Variants in ARID1B observed in about 807,000 individuals in gnomAD.
ARID1B encodes AT-rich interaction domain 1B.
In ARID1B, 30 loss-of-function variants were observed where a neutral mutation model predicts 212.3. That is an observed-to-expected ratio of 0.14 (90% CI 0.11 to 0.19). The LOEUF (loss-of-function observed/expected upper bound fraction) is 0.19, where lower values mean the gene tolerates loss of function less well. Ranked by LOEUF, ARID1B falls within the 10% of genes least tolerant of loss-of-function variation. The pLI is 1.00. For synonymous variants in ARID1B, 1,402 were observed against 1,301.7 expected (o/e 1.08, Z -1.66); for missense variants, 2,891 against 3,204.0 (o/e 0.90, Z 2.36).
intron 4 of ARID1B, among the ~76,000 whole-genome samples, chr6:157,054,538 T>C (rs1157267499): frequency 6.6e-6 from 1 of 152,178 alleles, no homozygotes; most frequent in Non-Finnish European, 1.5e-5. Context: ...GTTATAAAAG[T>C]AGGAAGTGAG....
At chr6:157,072,825 G>A (rs1030966119) in intron 4 of ARID1B, among the ~76,000 whole-genome samples, 5 of 152,178 alleles carry the variant, frequency 3.3e-5, no homozygotes, top group African/African-American at 1.2e-4. Flanking sequence ...TGAAGAAACT[G>A]AGGCTTAGAG....
intron 15 of ARID1B, among the ~76,000 whole-genome samples, chr6:157,191,065 A>G (rs1408402367): frequency 6.6e-6 from 1 of 151,944 alleles, no homozygotes; most frequent in Non-Finnish European, 1.5e-5. Context: ...TTTTTCCCCA[A>G]GGTGAAAGAT....
chr6:157,018,212 C>CTTTTTT lies in ARID1B; in HGVS notation c.2248-66433_2248-66428dup, dbSNP rs1208883079. Among the ~76,000 whole-genome samples the CTTTTTT allele has an allele frequency of 6.2e-3, 447 of 72,458 alleles. 46 individuals carry two copies. The highest frequency in any genetic ancestry group is 7.7e-3 in the Non-Finnish European group (333 of 43,458). The allele number at this position is 72,458 out of a possible 152,430, so 47.5% of individuals were successfully genotyped here. On this transcript the variant is annotated intron_variant, in intron 4 of 19. Coordinates refer to ENST00000636930, the MANE Select transcript of ARID1B (RefSeq NM_001374828.1). ...GAATGTCTAAACAAAAAGTAGTATG[C>CTTTTTT]TTTTTTTTTTTTTTTTTTTTTTGAG...
chr6:156,976,657 G>A lies in ARID1B; in HGVS notation c.2247+41081G>A, dbSNP rs553213586. Among the ~76,000 whole-genome samples, 16 of 152,278 alleles carry A rather than the reference G, an allele frequency of 1.1e-4. No individual in the cohort carries two copies. The South Asian group carries it at 3.1e-3, about 30-fold the overall frequency. On this transcript the variant is annotated intron_variant, in intron 4 of 19. Transcript: ENST00000636930. ...CTGGGTCCCCTTCCACCACGTGGAA[G>A]CTTTCCTTTCACTTTGTTCAGTAAA...
Position 157,094,827 on chromosome 6 carries a change from T to G in ARID1B, c.2491+9922T>G, listed in dbSNP as rs1785505534. ...CTCCTGCAGTAACCACGCGGAGTGT[T>G]GATGGCCGCTTGGATGTGCACATAG... On this transcript the variant is annotated intron_variant, in intron 5 of 19. Transcript: ENST00000636930. The surrounding 1 kb of genome is among the most constrained non-coding windows in gnomAD (Gnocchi z 4.3). Among the ~76,000 whole-genome samples the G allele has an allele frequency of 1.3e-5, 2 of 152,066 alleles. No individual in the cohort carries two copies. The highest frequency in any genetic ancestry group is 2.9e-5 in the Non-Finnish European group (2 of 68,000).
intron 2 of ARID1B, among the ~76,000 whole-genome samples, chr6:156,865,217 G>C (rs891048378): frequency 1.9e-4 from 29 of 152,038 alleles, no homozygotes; most frequent in Non-Finnish European, 4.0e-4. Context: ...TGTCTTTCTT[G>C]TTTTGGTGGA....
chr6:156,833,070 C>T (rs768435406), intron 2 of ARID1B, among the ~76,000 whole-genome samples: 3 of 152,072 alleles, frequency 2.0e-5, no homozygotes, highest in Non-Finnish European at 4.4e-5. Context: ...TTCTATGCCT[C>T]TGTGGAGAAT....
chr6:156,965,472 T>C (rs1794677978), intron 4 of ARID1B, among the ~76,000 whole-genome samples: 1 of 152,246 alleles, frequency 6.6e-6, no homozygotes, highest in Non-Finnish European at 1.5e-5. Flanking sequence ...ATTCGATGAC[T>C]GCTCTGCCTA....
At chr6:156,972,886 A>C (rs1777018463) in intron 4 of ARID1B, among the ~76,000 whole-genome samples, 2 of 152,222 alleles carry the variant, frequency 1.3e-5, no homozygotes, top group Non-Finnish European at 2.9e-5. Context: ...GTTTCTTTGT[A>C]TTTTGATTTT....
At chr6:156,925,252 T>C (rs1791126273) in intron 3 of ARID1B, among the ~76,000 whole-genome samples, 1 of 152,208 alleles carries the variant, frequency 6.6e-6, no homozygotes, top group Non-Finnish European at 1.5e-5. Flanking sequence ...TTCTGTGAAT[T>C]GCAGGCGTTT....
At chr6:156,991,596 G>A (rs562286800) in intron 4 of ARID1B, among the ~76,000 whole-genome samples, 2 of 152,206 alleles carry the variant, frequency 1.3e-5, no homozygotes, top group East Asian at 3.9e-4. Flanking sequence ...GAAATGTTGA[G>A]GGGAAAAGTT....
chr6:156,812,598 G>T (rs1346093551), intron 1 of ARID1B, among the ~76,000 whole-genome samples: 3 of 152,042 alleles, frequency 2.0e-5, no homozygotes, highest in East Asian at 3.9e-4. Flanking sequence ...TATTTTTTCA[G>T]TTTAAACAAT....
chr6:157,084,378 A>G (rs925638251), intron 4 of ARID1B, among the ~76,000 whole-genome samples: 30 of 152,256 alleles, frequency 2.0e-4, no homozygotes, highest in Non-Finnish European at 1.2e-4. Flanking sequence ...GAACAGGTCT[A>G]ATGGACTCGG....
chr6:156,780,001 C>T (rs965966157), intron 1 of ARID1B, among the ~76,000 whole-genome samples: 1 of 152,172 alleles, frequency 6.6e-6, no homozygotes, highest in Non-Finnish European at 1.5e-5. Context: ...AATAGGTTAG[C>T]TTTGTGACAA....
At chr6:156,877,363 A>G (rs1786644241) in intron 2 of ARID1B, among the ~76,000 whole-genome samples, 1 of 152,148 alleles carries the variant, frequency 6.6e-6, no homozygotes, top group Non-Finnish European at 1.5e-5. Flanking sequence ...TCGAGATTGC[A>G]TGGTGCTGTG....
chr6:157,142,383 T>G (rs1789422560), intron 7 of ARID1B, among the ~76,000 whole-genome samples: 1 of 152,162 alleles, frequency 6.6e-6, no homozygotes, highest in African/African-American at 2.4e-5. Context: ...CACAGCACTT[T>G]GGGAGGCCCG....
chr6:157,188,211 A>AAAAAAAGTAAATAAAAACTTTTTT (rs1445448691), intron 13 of ARID1B, among the ~76,000 whole-genome samples: 3 of 152,142 alleles, frequency 2.0e-5, no homozygotes, highest in African/African-American at 7.2e-5. Flanking sequence ...AGTTTAAAAA[A>AAAAAAAGTAAATAAAAACTTTTTT]AAAAAAGTAA....
At chr6:156,841,954 A>G (rs912892331) in intron 2 of ARID1B, among the ~76,000 whole-genome samples, 7 of 152,318 alleles carry the variant, frequency 4.6e-5, no homozygotes, top group South Asian at 4.1e-4. Context: ...TGTAACTGAC[A>G]CTGGAGTTCC....
chr6:156,856,698 T>TCACACA (rs1253993136), intron 2 of ARID1B, among the ~76,000 whole-genome samples: 1 of 85,606 alleles, frequency 1.2e-5, no homozygotes, highest in African/African-American at 4.2e-5. Context: ...TCTCTCTCTC[T>TCACACA]CTCACACACA....
Sources: gnomAD v4.1 joint callset for allele counts (sites outside exome capture counted in the v4.1 genomes callset) on GRCh38, gnomAD v4.1.1 for gene constraint, Gnocchi (gnomAD v3.1) non-coding constraint, MANE v1.5 for transcripts, NCBI Gene and HGNC (gene_info 2026-07-23, HGNC 2026-07-21) for gene names.